Variants in FGGY observed in about 807,000 individuals in gnomAD.
The protein encoded by FGGY is FGGY carbohydrate kinase domain containing.
FGGY carries 72 observed loss-of-function variants against 71.3 expected under a neutral mutation model. That is an observed-to-expected ratio of 1.01 (90% CI 0.84 to 1.23). FGGY has a LOEUF of 1.23. Ranked by LOEUF, FGGY falls within the 50% of genes most tolerant of loss-of-function variation. FGGY has a pLI of 0.00. For missense variants in FGGY, 668 were observed against 682.3 expected (o/e 0.98, Z 0.23); for synonymous variants, 251 against 250.3 (o/e 1.00, Z -0.02).
intron 13 of FGGY, among the ~76,000 whole-genome samples, chr1:59,668,455 C>T (rs1017211408): frequency 6.6e-6 from 1 of 152,154 alleles, no homozygotes; most frequent in Non-Finnish European, 1.5e-5. Context: ...TATCATTATC[C>T]TTTGCTGTCC....
chr1:59,519,680 A>G (rs1372716293), intron 7 of FGGY, among the ~76,000 whole-genome samples: 1 of 152,200 alleles, frequency 6.6e-6, no homozygotes, highest in Non-Finnish European at 1.5e-5. Context: ...TATGATGACC[A>G]TTTCTTACAT....
intron 15 of FGGY, 38 bp downstream of exon 15, chr1:59,758,030 G>T (rs1184501881): frequency 2.2e-6 from 3 of 1,394,970 alleles, no homozygotes; most frequent in South Asian, 1.2e-5. Flanking sequence ...TGCTAAGGAA[G>T]TGAGCACATA....
chr1:59,524,392 C>G (rs150730911), intron 7 of FGGY, among the ~76,000 whole-genome samples: 3 of 151,390 alleles, frequency 2.0e-5, no homozygotes, highest in African/African-American at 7.3e-5. Flanking sequence ...GGGTCCCTGG[C>G]GAAACCCCAC....
At chr1:59,491,654 C>G (rs1016090932) in intron 6 of FGGY, among the ~76,000 whole-genome samples, 2 of 150,820 alleles carry the variant, frequency 1.3e-5, no homozygotes, top group African/African-American at 4.9e-5. Flanking sequence ...CATCTACAAA[C>G]AGGGATAATT....
chr1:59,705,226 C>T (rs2097747926), intron 14 of FGGY, among the ~76,000 whole-genome samples: 2 of 152,148 alleles, frequency 1.3e-5, no homozygotes, highest in South Asian at 2.1e-4. Flanking sequence ...CCTTTGCTTA[C>T]AATATCTGGT....
intron 8 of FGGY, among the ~76,000 whole-genome samples, chr1:59,584,992 A>G (rs1191276851): frequency 1.3e-5 from 2 of 152,152 alleles, no homozygotes; most frequent in Non-Finnish European, 2.9e-5. Context: ...AAGGAGAACT[A>G]CAAACCACTG....
intron 5 of FGGY, among the ~76,000 whole-genome samples, chr1:59,443,064 C>T (rs2070338680): frequency 6.6e-6 from 1 of 152,080 alleles, no homozygotes; most frequent in African/African-American, 2.4e-5. Context: ...GTCAGTGTCT[C>T]ATAAAAGATA....
At chr1:59,450,596 T>A (rs1001695781) in intron 5 of FGGY, among the ~76,000 whole-genome samples, 3 of 152,132 alleles carry the variant, frequency 2.0e-5, no homozygotes, top group Admixed American at 1.3e-4. Context: ...TAATAGCTAT[T>A]ATTACTCTTA....
intron 14 of FGGY, among the ~76,000 whole-genome samples, chr1:59,695,614 G>A (rs1462051743): frequency 2.0e-5 from 3 of 152,208 alleles, no homozygotes; most frequent in Non-Finnish European, 4.4e-5. Flanking sequence ...GTTTACAAAT[G>A]AGAAGTTGAG....
chr1:59,607,580 C>T (rs187978381), intron 8 of FGGY, among the ~76,000 whole-genome samples: 1 of 152,272 alleles, frequency 6.6e-6, no homozygotes, highest in Admixed American at 6.5e-5. Flanking sequence ...TTATCAGTTT[C>T]TTTCCAAAAT....
chr1:59,303,060 T>C (rs929016264), intron 1 of FGGY, among the ~76,000 whole-genome samples: 5 of 152,190 alleles, frequency 3.3e-5, no homozygotes, highest in African/African-American at 9.7e-5. Flanking sequence ...CAATTTGATA[T>C]ACATTGTGAA....
chr1:59,401,755 T>G (rs2061993596), intron 5 of FGGY, among the ~76,000 whole-genome samples: 2 of 152,176 alleles, frequency 1.3e-5, no homozygotes, highest in Admixed American at 1.3e-4. Flanking sequence ...TTGATTCTAG[T>G]AATAGAGATA....
At chr1:59,490,221 A>C (rs778463200) in intron 6 of FGGY, among the ~76,000 whole-genome samples, 26 of 151,960 alleles carry the variant, frequency 1.7e-4, no homozygotes, top group Non-Finnish European at 2.4e-4. Context: ...CACCTAATTA[A>C]AAAAAATTTT....
chr1:59,743,743 TG>T, intron 14 of FGGY, among the ~76,000 whole-genome samples: 1 of 152,364 alleles, frequency 6.6e-6, no homozygotes, highest in African/African-American at 2.4e-5. Context: ...TTTCTTTGTT[TG>T]TTTTAAGTAA....
chr1:59,730,235 G>C (rs1281105304), intron 14 of FGGY, among the ~76,000 whole-genome samples: 4 of 152,034 alleles, frequency 2.6e-5, no homozygotes, highest in African/African-American at 9.7e-5. Context: ...TCAGATTTCA[G>C]GGTGATAGTT....
intron 7 of FGGY, among the ~76,000 whole-genome samples, chr1:59,519,663 G>T (rs2153644520): frequency 6.6e-6 from 1 of 152,242 alleles, no homozygotes; most frequent in Admixed American, 6.5e-5. Flanking sequence ...ACTCTGACTG[G>T]TACTACTATG....
intron 5 of FGGY, among the ~76,000 whole-genome samples, chr1:59,427,349 C>A (rs980532068): frequency 1.3e-5 from 2 of 152,164 alleles, no homozygotes; most frequent in Non-Finnish European, 2.9e-5. Context: ...AACAGATGGC[C>A]TCAGGTGGTG....
At chr1:59,699,058 C>T in intron 14 of FGGY, 1 of 985,360 alleles carries the variant, frequency 1.0e-6, no homozygotes, top group Non-Finnish European at 1.2e-6. Flanking sequence ...TTTTTCCTTC[C>T]AGCCAGCTCT....
At chr1:59,445,669 A>C (rs1479775713) in intron 5 of FGGY, among the ~76,000 whole-genome samples, 1 of 152,190 alleles carries the variant, frequency 6.6e-6, no homozygotes, top group Non-Finnish European at 1.5e-5. Flanking sequence ...TAAGGCAGCT[A>C]ACTGCTTTCT....
Sources: gnomAD v4.1 joint callset for allele counts (sites outside exome capture counted in the v4.1 genomes callset) on GRCh38, gnomAD v4.1.1 for gene constraint, MANE v1.5 for transcripts, NCBI Gene and HGNC (gene_info 2026-07-23, HGNC 2026-07-21) for gene names.